Variants in ESRRG observed in about 807,000 individuals in gnomAD.
ESRRG encodes the protein estrogen-related receptor gamma.
Under a neutral mutation model 44.0 loss-of-function variants are expected in ESRRG, and 13 were observed. The observed-to-expected ratio is 0.30, with a 90% CI of 0.19 to 0.47. ESRRG has a LOEUF of 0.47. Among genes scored for constraint, ESRRG ranks in the 20% least tolerant of loss-of-function variants. The pLI is 1.00. For synonymous variants in ESRRG, 215 were observed against 214.6 expected (o/e 1.00, Z -0.02); for missense variants, 395 against 580.6 (o/e 0.68, Z 3.29).
chr1:217,063,936 T>A (rs1169577805), intron 1 of ESRRG, among the ~76,000 whole-genome samples: 1 of 152,154 alleles, frequency 6.6e-6, no homozygotes, highest in Non-Finnish European at 1.5e-5. Context: ...GCACCTATTA[T>A]CCAGAAACTA....
intron 2 of ESRRG, among the ~76,000 whole-genome samples, chr1:216,902,490 A>G (rs967399897): frequency 7.9e-5 from 12 of 151,986 alleles, no homozygotes; most frequent in South Asian, 6.2e-4. Context: ...AAAAAAAGAA[A>G]AAAAAAAAAG....
chr1:216,545,143 A>C (rs533073521), intron 5 of ESRRG, among the ~76,000 whole-genome samples: 91 of 149,932 alleles, frequency 6.1e-4, no homozygotes, highest in African/African-American at 2.1e-3. Context: ...TCCAGGGTTC[A>C]AGCAAAAAAT....
intron 1 of ESRRG, among the ~76,000 whole-genome samples, chr1:217,008,001 C>A (rs983108383): frequency 2.6e-5 from 4 of 152,186 alleles, no homozygotes; most frequent in African/African-American, 2.4e-5. Flanking sequence ...CACAGTGTGT[C>A]TAGTCTCACA....
At chr1:216,754,627 T>C (rs938246279) in intron 2 of ESRRG, among the ~76,000 whole-genome samples, 1 of 151,912 alleles carries the variant, frequency 6.6e-6, no homozygotes, top group Admixed American at 6.6e-5. Flanking sequence ...TCTATTTATA[T>C]ATTTATTTCA....
chr1:217,013,292 C>T (rs1253767078), intron 1 of ESRRG, among the ~76,000 whole-genome samples: 1 of 152,162 alleles, frequency 6.6e-6, no homozygotes, highest in Non-Finnish European at 1.5e-5. Flanking sequence ...ACCATTAGTT[C>T]ACTGAGCAAA....
intron 3 of ESRRG, among the ~76,000 whole-genome samples, chr1:216,595,246 G>A (rs959780951): frequency 3.9e-5 from 6 of 152,136 alleles, no homozygotes; most frequent in Admixed American, 2.6e-4. Context: ...TACCTGGGAA[G>A]GCTTACTTAT....
chr1:217,021,326 T>C (rs965513883), intron 1 of ESRRG, among the ~76,000 whole-genome samples: 2 of 152,142 alleles, frequency 1.3e-5, no homozygotes, highest in Non-Finnish European at 1.5e-5. Context: ...TGGGACAGAA[T>C]GGAGTTAACT....
intron 2 of ESRRG, among the ~76,000 whole-genome samples, chr1:216,750,368 T>C (rs754283771): frequency 2.0e-4 from 31 of 152,168 alleles, no homozygotes; most frequent in Non-Finnish European, 5.9e-5. Context: ...CCTCTTTTCT[T>C]TCTCTATTAG....
chr1:216,813,252 T>G (rs2095032814), intron 2 of ESRRG, among the ~76,000 whole-genome samples: 1 of 152,174 alleles, frequency 6.6e-6, no homozygotes, highest in Admixed American at 6.6e-5. Context: ...CCAAGCCTGG[T>G]TAGTGATAAT....
chr1:216,524,527 C>T (rs965464684), intron 5 of ESRRG, among the ~76,000 whole-genome samples: 2 of 151,786 alleles, frequency 1.3e-5, no homozygotes, highest in Admixed American at 1.3e-4. Flanking sequence ...TTGGGCTGAC[C>T]TTAATCCAGA....
intron 2 of ESRRG, among the ~76,000 whole-genome samples, chr1:216,818,355 T>C (rs1319155775): frequency 6.6e-6 from 1 of 152,190 alleles, no homozygotes; most frequent in Non-Finnish European, 1.5e-5. Context: ...GAGATGAGAG[T>C]GCCTATCAGG....
intron 2 of ESRRG, among the ~76,000 whole-genome samples, chr1:216,673,478 C>T (rs2151435310): frequency 6.6e-6 from 1 of 152,326 alleles, no homozygotes; most frequent in East Asian, 1.9e-4. Flanking sequence ...CTAATCTGGA[C>T]AGTGACATCT....
At chr1:216,869,113 G>A (rs1437429176) in intron 2 of ESRRG, among the ~76,000 whole-genome samples, 1 of 152,040 alleles carries the variant, frequency 6.6e-6, no homozygotes, top group Non-Finnish European at 1.5e-5. Context: ...TATTTTTAGT[G>A]CCATGTTTAA....
intron 2 of ESRRG, among the ~76,000 whole-genome samples, chr1:216,856,371 A>ACACC (rs2095940272): frequency 6.6e-6 from 1 of 151,796 alleles, no homozygotes; most frequent in South Asian, 2.1e-4. Flanking sequence ...ACACACACAC[A>ACACC]CACACACACA....
At chr1:216,569,706 GT>G (rs1434020862) in intron 3 of ESRRG, among the ~76,000 whole-genome samples, 2 of 152,190 alleles carry the variant, frequency 1.3e-5, no homozygotes, top group Non-Finnish European at 2.9e-5. Context: ...ATATAACAAT[GT>G]AAAAGTATTC....
At chr1:216,790,616 A>C (rs2094290223) in intron 2 of ESRRG, among the ~76,000 whole-genome samples, 1 of 152,164 alleles carries the variant, frequency 6.6e-6, no homozygotes, top group South Asian at 2.1e-4. Flanking sequence ...AAAAATATAT[A>C]GTACATTTTT....
At chr1:216,967,175 C>CT (rs958789253) in intron 1 of ESRRG, among the ~76,000 whole-genome samples, 1 of 151,982 alleles carries the variant, frequency 6.6e-6, no homozygotes, top group Non-Finnish European at 1.5e-5. Context: ...CATCGCCCCC[C>CT]CTCCCCATTG....
chr1:217,011,152 A>G (rs1006477836), intron 1 of ESRRG, among the ~76,000 whole-genome samples: 3 of 152,198 alleles, frequency 2.0e-5, no homozygotes, highest in Non-Finnish European at 1.5e-5. Context: ...ATTATAAATA[A>G]CTCATTTCCC....
intron 1 of ESRRG, among the ~76,000 whole-genome samples, chr1:216,683,229 G>A (rs946001867): frequency 1.1e-4 from 16 of 152,056 alleles, no homozygotes; most frequent in African/African-American, 2.4e-4. Context: ...TTAACCTAAC[G>A]GAAGGAGATC....
Sources: gnomAD v4.1 joint callset for allele counts (sites outside exome capture counted in the v4.1 genomes callset) on GRCh38, gnomAD v4.1.1 for gene constraint, MANE v1.5 for transcripts, NCBI Gene and HGNC (gene_info 2026-07-23, HGNC 2026-07-21) for gene names.